KSR1: variants seen among roughly 807,000 people sequenced by gnomAD.
KSR1 encodes the protein kinase suppressor of ras.
A neutral mutation model predicts 92.9 loss-of-function variants in KSR1; 35 were observed. That is an observed-to-expected ratio of 0.38 (90% CI 0.29 to 0.50). KSR1 has a LOEUF of 0.50. Among genes scored for constraint, KSR1 ranks in the 20% least tolerant of loss-of-function variants. The pLI is 0.94. For missense variants in KSR1, 972 were observed against 1,158.5 expected, an observed-to-expected ratio of 0.84 and a Z score of 2.34; for synonymous variants, 467 against 472.6, an observed-to-expected ratio of 0.99 and a Z score of 0.15.
chr17:27,605,919 G>C, intron 14 of KSR1, 106 bp downstream of exon 14: 13 of 1,448,804 alleles, frequency 9.0e-6, no homozygotes, highest in Non-Finnish European at 1.2e-5. Flanking sequence ...TTCTAATAGA[G>C]GCATAAAGAA....
chr17:27,558,707 T>G (rs1057042114), intron 2 of KSR1, among the ~76,000 whole-genome samples: 10 of 151,982 alleles, frequency 6.6e-5, no homozygotes, highest in Non-Finnish European at 1.5e-4. Flanking sequence ...TTTTTTGTTT[T>G]TTTTTTTTTT....
chr17:27,605,861 C>G (rs189762490), intron 14 of KSR1, 48 bp downstream of exon 14: 11 of 1,603,074 alleles, frequency 6.9e-6, no homozygotes, highest in Middle Eastern at 1.7e-4. Context: ...TCAGCCTCCC[C>G]CTTCCCAGGG....
chr17:27,547,915 A>G (rs1458020943), intron 1 of KSR1, among the ~76,000 whole-genome samples: 1 of 151,826 alleles, frequency 6.6e-6, no homozygotes, highest in Non-Finnish European at 1.5e-5. Flanking sequence ...ATTTCACCAT[A>G]TTGACCAGGC....
At chr17:27,609,694 A>G in intron 16 of KSR1, 1 of 333,878 alleles carries the variant, frequency 3.0e-6, no homozygotes, top group Non-Finnish European at 5.5e-6. Flanking sequence ...GGGGAACCCA[A>G]AAGGGAGCAT....
chr17:27,477,226 A>G (rs374168541), intron 1 of KSR1, among the ~76,000 whole-genome samples: 11 of 152,148 alleles, frequency 7.2e-5, no homozygotes, highest in African/African-American at 2.4e-4. Context: ...CAAGGTCGTT[A>G]TGACCTGTGT....
intron 1 of KSR1, among the ~76,000 whole-genome samples, chr17:27,528,145 G>A (rs751960967): frequency 8.5e-5 from 13 of 152,140 alleles, no homozygotes; most frequent in East Asian, 3.9e-4. Flanking sequence ...GGCTCACTGC[G>A]ACCTCTGCCT....
At chr17:27,486,196 G>A (rs2068659012) in intron 1 of KSR1, among the ~76,000 whole-genome samples, 1 of 152,234 alleles carries the variant, frequency 6.6e-6, no homozygotes, top group Non-Finnish European at 1.5e-5. Context: ...CTGAGCATTT[G>A]TGATTCTTCT....
chr17:27,598,096 G>C, intron 10 of KSR1, among the ~76,000 whole-genome samples: 1 of 152,206 alleles, frequency 6.6e-6, no homozygotes, highest in East Asian at 1.9e-4. Context: ...CCTGCCCTCA[G>C]CTGCTGGCCT....
intron 1 of KSR1, among the ~76,000 whole-genome samples, chr17:27,481,290 T>G (rs1446124884): frequency 6.6e-6 from 1 of 152,202 alleles, no homozygotes; most frequent in Non-Finnish European, 1.5e-5. Context: ...TGCCGTGAAC[T>G]GCTTTTGTGA....
At chr17:27,534,052 G>A (rs776436101) in intron 1 of KSR1, among the ~76,000 whole-genome samples, 6 of 152,312 alleles carry the variant, frequency 3.9e-5, no homozygotes, top group Middle Eastern at 6.8e-3. Context: ...GCCTCTCCTC[G>A]GCTTGCTTCT....
intron 1 of KSR1, among the ~76,000 whole-genome samples, chr17:27,505,339 C>T (rs560506082): frequency 2.6e-5 from 4 of 152,318 alleles, no homozygotes; most frequent in East Asian, 1.9e-4. Context: ...CACAGGCCTG[C>T]GCATGCATGC....
chr17:27,482,409 G>A (rs2068538632), intron 1 of KSR1, among the ~76,000 whole-genome samples: 1 of 152,210 alleles, frequency 6.6e-6, no homozygotes, highest in African/African-American at 2.4e-5. Flanking sequence ...TAACTGTGCT[G>A]CAGGTGGGAA....
intron 1 of KSR1, among the ~76,000 whole-genome samples, chr17:27,484,228 A>G (rs976919484): frequency 6.6e-6 from 1 of 152,132 alleles, no homozygotes; most frequent in African/African-American, 2.4e-5. Context: ...AGTGATAATA[A>G]TACTTGTTAT....
chr17:27,550,165 A>C (rs892591983), intron 1 of KSR1, among the ~76,000 whole-genome samples: 1 of 152,212 alleles, frequency 6.6e-6, no homozygotes, highest in African/African-American at 2.4e-5. Flanking sequence ...TTAGCCTCCC[A>C]AGTAGCTAGG....
chr17:27,494,953 T>C (rs777295510), intron 1 of KSR1, among the ~76,000 whole-genome samples: 34 of 152,172 alleles, frequency 2.2e-4, no homozygotes, highest in Non-Finnish European at 7.4e-5. Context: ...GTGATCCTGC[T>C]CCCATTCAGT....
chr17:27,468,638 A>G (rs2150915961), intron 1 of KSR1, among the ~76,000 whole-genome samples: 1 of 152,326 alleles, frequency 6.6e-6, no homozygotes, highest in Non-Finnish European at 1.5e-5. Context: ...TTCTCCAGCC[A>G]TCCGCTTCCA....
intron 9 of KSR1, among the ~76,000 whole-genome samples, chr17:27,593,895 C>T (rs1163533295): frequency 2.6e-5 from 4 of 152,326 alleles, no homozygotes; most frequent in South Asian, 4.1e-4. Context: ...TCACTCGTGC[C>T]GCATCCTCCC....
chr17:27,513,982 C>T (rs542307384), intron 1 of KSR1, among the ~76,000 whole-genome samples: 3 of 152,276 alleles, frequency 2.0e-5, no homozygotes, highest in East Asian at 3.9e-4. Context: ...AGGCTTCAGC[C>T]GAGTCTCCAG....
In KSR1 at chr17:27,610,115, C is replaced by T; in HGVS notation, c.2274C>T (p.Ala758=). The change falls in exon 17 of 21, where the codon GCC becomes GCT. Residue 758 remains alanine (A), a synonymous_variant. Transcript: ENST00000644974. ...CCCACGACTGGCTGTGCTATCTGGC[C>T]CCTGAGATTGTACGCGAGATGACCC... is the stretch of plus-strand genomic sequence containing the variant. ...KLSHDWLCYL[A]PEIVREMTPG... 5 of 1,613,992 alleles carry T rather than the reference C, an allele frequency of 3.1e-6. No homozygotes were observed. The highest frequency in any genetic ancestry group is 1.1e-5 in the South Asian group (1 of 91,082).
Sources: gnomAD v4.1 joint callset for allele counts (sites outside exome capture counted in the v4.1 genomes callset) on GRCh38, gnomAD v4.1.1 for gene constraint, MANE v1.5 for transcripts, NCBI Gene and HGNC (gene_info 2026-07-23, HGNC 2026-07-21) for gene names.